The following CSMD1 variants were observed in gnomAD, a reference collection of about 807,000 sequenced individuals.
The protein encoded by CSMD1 is CUB and sushi domain-containing protein 1.
CSMD1 carries 213 observed loss-of-function variants against 417.5 expected under a neutral mutation model. The ratio of observed to expected loss-of-function variants is 0.51; its 90% CI spans 0.46 to 0.57. CSMD1 has a LOEUF of 0.57. Among genes scored for constraint, CSMD1 ranks in the 20% least tolerant of loss-of-function variants. The pLI, the probability that CSMD1 is intolerant of heterozygous loss-of-function variation, is 0.00. For synonymous variants in CSMD1, 2,862 were observed against 1,736.8 expected (o/e 1.65, Z -16.11); for missense variants, 6,923 against 4,529.7 (o/e 1.53, Z -15.17).
intron 51 of CSMD1, among the ~76,000 whole-genome samples, chr8:3,020,825 C>T (rs528477901): frequency 4.7e-4 from 72 of 152,246 alleles, no homozygotes; most frequent in Middle Eastern, 3.4e-3. Flanking sequence ...ACAGCCTCCA[C>T]GATTTATTGG....
intron 5 of CSMD1, among the ~76,000 whole-genome samples, chr8:3,991,777 A>C (rs1814769870): frequency 6.6e-6 from 1 of 152,156 alleles, no homozygotes; most frequent in African/African-American, 2.4e-5. Context: ...AGGAGGAGGA[A>C]ATATACCTTG....
chr8:4,042,332 G>T (rs542949077), intron 3 of CSMD1, among the ~76,000 whole-genome samples: 3 of 152,134 alleles, frequency 2.0e-5, no homozygotes, highest in East Asian at 3.9e-4. Context: ...CAAAGATAAA[G>T]GGGCCAGGTG....
At chr8:4,923,753 G>A (rs1282534980) in intron 1 of CSMD1, among the ~76,000 whole-genome samples, 1 of 152,030 alleles carries the variant, frequency 6.6e-6, no homozygotes, top group Admixed American at 6.6e-5. Flanking sequence ...ACCTTGGAAA[G>A]GTCATTCTAT....
At chr8:3,647,827 G>A (rs12548981) in intron 7 of CSMD1, among the ~76,000 whole-genome samples, 1 of 152,202 alleles carries the variant, frequency 6.6e-6, no homozygotes, top group Non-Finnish European at 1.5e-5. Context: ...TATAATGTTG[G>A]TGAATCTGAG....
chr8:3,965,196 C>G (rs1271232251), intron 5 of CSMD1, among the ~76,000 whole-genome samples: 1 of 152,138 alleles, frequency 6.6e-6, no homozygotes, highest in African/African-American at 2.4e-5. Context: ...GACCAGGAGA[C>G]AAGGGCGGAA....
At chr8:4,458,696 T>C (rs1184120407) in intron 2 of CSMD1, among the ~76,000 whole-genome samples, 1 of 152,190 alleles carries the variant, frequency 6.6e-6, no homozygotes, top group African/African-American at 2.4e-5. Context: ...TGCAGCAAAA[T>C]AATTAGATTA....
intron 5 of CSMD1, among the ~76,000 whole-genome samples, chr8:3,820,282 A>T (rs1260032780): frequency 6.6e-6 from 1 of 152,184 alleles, no homozygotes; most frequent in Non-Finnish European, 1.5e-5. Flanking sequence ...AAATATGTGT[A>T]GGATATGTGA....
chr8:3,114,485 T>A (rs370131506), intron 42 of CSMD1, among the ~76,000 whole-genome samples: 2 of 150,822 alleles, frequency 1.3e-5, no homozygotes, highest in East Asian at 3.9e-4. Flanking sequence ...TGACTCTCAA[T>A]ATATCGAAGA....
chr8:3,813,395 A>T (rs1480390220), intron 5 of CSMD1, among the ~76,000 whole-genome samples: 1 of 152,124 alleles, frequency 6.6e-6, no homozygotes, highest in Non-Finnish European at 1.5e-5. Context: ...AGATTTAAGG[A>T]GGTGATATTT....
chr8:3,866,172 C>T (rs561883462), intron 5 of CSMD1, among the ~76,000 whole-genome samples: 31 of 152,278 alleles, frequency 2.0e-4, no homozygotes, highest in African/African-American at 6.7e-4. Context: ...TAATTCACAA[C>T]TACATACACA....
At chr8:3,986,766 T>G (rs199984349) in intron 5 of CSMD1, among the ~76,000 whole-genome samples, 1 of 83,240 alleles carries the variant, frequency 1.2e-5, no homozygotes, top group African/African-American at 5.0e-5. Context: ...GTGATTTTTC[T>G]TTTTTTTTAG....
intron 15 of CSMD1, among the ~76,000 whole-genome samples, chr8:3,400,453 C>A (rs1043631563): frequency 6.6e-6 from 1 of 151,822 alleles, no homozygotes; most frequent in Non-Finnish European, 1.5e-5. Context: ...ATCATTTTAG[C>A]CATGTTTTGA....
intron 6 of CSMD1, among the ~76,000 whole-genome samples, chr8:3,744,213 G>C (rs1478457852): frequency 6.6e-6 from 1 of 152,284 alleles, no homozygotes; most frequent in South Asian, 2.1e-4. Flanking sequence ...GGGATGACGT[G>C]TTCAAGCCGC....
At chr8:4,601,482 T>G (rs1274418661) in intron 2 of CSMD1, among the ~76,000 whole-genome samples, 4 of 152,028 alleles carry the variant, frequency 2.6e-5, no homozygotes, top group Non-Finnish European at 5.9e-5. Flanking sequence ...GTAGGACAGG[T>G]GTGATATTAC....
At chr8:4,680,692 G>T (rs557993618) in intron 1 of CSMD1, among the ~76,000 whole-genome samples, 3 of 152,120 alleles carry the variant, frequency 2.0e-5, no homozygotes, top group East Asian at 1.9e-4. Context: ...TGACTCTCCC[G>T]CCTCAGCCTC....
At chr8:3,483,984 A>G (rs1817885663) in intron 11 of CSMD1, among the ~76,000 whole-genome samples, 1 of 152,212 alleles carries the variant, frequency 6.6e-6, no homozygotes, top group African/African-American at 2.4e-5. Flanking sequence ...AAATATGTCA[A>G]TTTTCTCCAA....
intron 3 of CSMD1, among the ~76,000 whole-genome samples, chr8:4,148,014 T>C (rs900348323): frequency 4.6e-5 from 7 of 152,072 alleles, no homozygotes; most frequent in African/African-American, 1.2e-4. Context: ...GGTTCCATGA[T>C]TGTTTCCCAT....
At chr8:4,418,422 T>G (rs1196294309) in intron 3 of CSMD1, among the ~76,000 whole-genome samples, 1 of 152,144 alleles carries the variant, frequency 6.6e-6, no homozygotes, top group Non-Finnish European at 1.5e-5. Flanking sequence ...ATAGAATTAT[T>G]CATATAGTGA....
chr8:4,181,203 T>A (rs547236981), intron 3 of CSMD1, among the ~76,000 whole-genome samples: 2 of 152,192 alleles, frequency 1.3e-5, no homozygotes, highest in Admixed American at 6.5e-5. Flanking sequence ...ACATCCCATA[T>A]AGCACCGATG....
Sources: gnomAD v4.1 joint callset for allele counts (sites outside exome capture counted in the v4.1 genomes callset) on GRCh38, gnomAD v4.1.1 for gene constraint, MANE v1.5 for transcripts, NCBI Gene and HGNC (gene_info 2026-07-23, HGNC 2026-07-21) for gene names.